DIP2C: variants seen among roughly 807,000 people sequenced by gnomAD.
DIP2C encodes disco-interacting protein 2 homolog C.
DIP2C carries 33 observed loss-of-function variants against 192.4 expected under a neutral mutation model. The ratio of observed to expected loss-of-function variants is 0.17; its 90% CI spans 0.13 to 0.23. DIP2C has a LOEUF of 0.23. Among genes scored for constraint, DIP2C ranks in the 10% least tolerant of loss-of-function variants. The probability of loss-of-function intolerance (pLI) is 1.00; values close to 1 mark genes in which losing one functional copy is unlikely to be tolerated. For synonymous variants in DIP2C, 979 were observed against 864.1 expected (o/e 1.13, Z -2.33); for missense variants, 1,537 against 2,110.1 (o/e 0.73, Z 5.32).
At chr10:526,520 C>T (rs1242250042) in intron 1 of DIP2C, among the ~76,000 whole-genome samples, 1 of 82,928 alleles carries the variant, frequency 1.2e-5, no homozygotes, top group Non-Finnish European at 2.8e-5. Flanking sequence ...ACACACCAGC[C>T]CTACCCCACC....
chr10:620,582 T>C (rs1458522720), intron 1 of DIP2C, among the ~76,000 whole-genome samples: 1 of 152,170 alleles, frequency 6.6e-6, no homozygotes, highest in Admixed American at 6.5e-5. Flanking sequence ...AAGAAACCAC[T>C]AACCACAGCT....
Position 382,769 on chromosome 10 carries a change from GAA to G in DIP2C, c.1877-10_1877-9del, listed in dbSNP as rs1486990271. The G allele has an allele frequency of 6.3e-7, 1 of 1,585,266 alleles. No individual in the cohort carries two copies. Among genetic ancestry groups the G allele is most frequent in the Non-Finnish European group, 8.6e-7 (1 of 1,158,704 alleles). Reference sequence around the variant, plus strand: ...CGCAAGAAGAAATAGACCCTAGAGTGAAAGAGGGACAATGATCAGACAGCTGA... The same window carrying G: ...CGCAAGAAGAAATAGACCCTAGAGTGAGAGGGACAATGATCAGACAGCTGA... On this transcript the variant is annotated splice_polypyrimidine_tract_variant and intron_variant, in intron 16 of 36. Coordinates refer to ENST00000280886, the MANE Select transcript of DIP2C (RefSeq NM_014974.3).
At chr10:352,816 C>T (rs1282081274) in intron 24 of DIP2C, among the ~76,000 whole-genome samples, 1 of 152,190 alleles carries the variant, frequency 6.6e-6, no homozygotes, top group Non-Finnish European at 1.5e-5. Flanking sequence ...CGGGACACAG[C>T]TACACCACAC....
chr10:515,981 A>G (rs1029763203), intron 1 of DIP2C, among the ~76,000 whole-genome samples: 7 of 151,818 alleles, frequency 4.6e-5, no homozygotes, highest in Admixed American at 2.0e-4. Context: ...CACTAAGAAT[A>G]TGTCTGTGCT....
At chr10:539,715 C>A (rs1322377199) in intron 1 of DIP2C, among the ~76,000 whole-genome samples, 1 of 152,240 alleles carries the variant, frequency 6.6e-6, no homozygotes, top group Non-Finnish European at 1.5e-5. Flanking sequence ...TCTAACTAGT[C>A]ATTCCAGTAA....
At chr10:448,772 G>A (rs1224461035) in intron 3 of DIP2C, among the ~76,000 whole-genome samples, 2 of 139,696 alleles carry the variant, frequency 1.4e-5, no homozygotes, top group African/African-American at 5.5e-5. Context: ...ACTCACCCCT[G>A]TCGATACTCA....
intron 1 of DIP2C, among the ~76,000 whole-genome samples, chr10:610,377 G>C (rs1853006674): frequency 6.6e-6 from 1 of 152,144 alleles, no homozygotes; most frequent in Non-Finnish European, 1.5e-5. Context: ...ATCTACTATT[G>C]ATAAACCAGC....
intron 32 of DIP2C, among the ~76,000 whole-genome samples, chr10:303,415 T>G (rs1207637482): frequency 1.3e-5 from 2 of 152,234 alleles, no homozygotes; most frequent in Non-Finnish European, 2.9e-5. Flanking sequence ...ATGTTGTAAA[T>G]TCCTTAAAGC....
chr10:534,216 C>T (rs1847570736), intron 1 of DIP2C, among the ~76,000 whole-genome samples: 1 of 152,214 alleles, frequency 6.6e-6, no homozygotes, highest in Non-Finnish European at 1.5e-5. Context: ...AACTCCCACC[C>T]ATGCTGGAGA....
intron 1 of DIP2C, among the ~76,000 whole-genome samples, chr10:653,304 T>C (rs1856068857): frequency 6.6e-6 from 1 of 151,834 alleles, no homozygotes; most frequent in Non-Finnish European, 1.5e-5. Flanking sequence ...CAAAATTAGC[T>C]GGGCATGGTG....
At chr10:544,985 G>A (rs816645) in intron 1 of DIP2C, among the ~76,000 whole-genome samples, 6 of 151,910 alleles carry the variant, frequency 3.9e-5, no homozygotes, top group Admixed American at 6.6e-5. Context: ...TTAATTCAAC[G>A]TAACAGTTTC....
intron 31 of DIP2C, chr10:311,530 C>T: frequency 2.4e-6 from 3 of 1,232,428 alleles, no homozygotes; most frequent in Non-Finnish European, 3.0e-6. Flanking sequence ...ACAGGAAAGT[C>T]CCCTACCTGC....
chr10:287,829 C>G (rs1955232419), intron 33 of DIP2C, among the ~76,000 whole-genome samples: 1 of 152,186 alleles, frequency 6.6e-6, no homozygotes, highest in Admixed American at 6.5e-5. Flanking sequence ...TTTCTACTTT[C>G]ATAGTAATAG....
intron 4 of DIP2C, among the ~76,000 whole-genome samples, 181 bp from the exon 5 acceptor site, chr10:423,214 G>A (rs1455326007): frequency 6.6e-6 from 1 of 152,188 alleles, no homozygotes; most frequent in Non-Finnish European, 1.5e-5. Flanking sequence ...TTAGCATAAT[G>A]AGTTTTTCAT....
At chr10:306,659 T>G (rs921206245) in intron 32 of DIP2C, among the ~76,000 whole-genome samples, 4 of 152,192 alleles carry the variant, frequency 2.6e-5, no homozygotes, top group African/African-American at 7.2e-5. Context: ...TGGCTCTCAT[T>G]TCACTGCCTC....
chr10:611,473 CTG>C (rs1040223314), intron 1 of DIP2C, among the ~76,000 whole-genome samples: 50 of 152,352 alleles, frequency 3.3e-4, no homozygotes, highest in African/African-American at 1.1e-3. Context: ...AGAGCACAGA[CTG>C]TTTTTGGGAA....
chr10:671,481 CGCCACAGACGCACGGACGGAGGAAACAG>C (rs1830637348), intron 1 of DIP2C, among the ~76,000 whole-genome samples: 1 of 105,522 alleles, frequency 9.5e-6, no homozygotes, highest in African/African-American at 3.9e-5. Context: ...ACGGAGGAAA[CGCCACAGACGCACGGACGGAGGAAACAG>C]GCCACAGACG....
chr10:289,218 G>A lies in DIP2C; in HGVS notation c.3987-797C>T, dbSNP rs1004533148. Among the ~76,000 whole-genome samples the A allele has an allele frequency of 4.4e-5, 6 of 135,820 alleles. No homozygotes were observed. In the East Asian group the frequency reaches 7.7e-4, roughly 18 times the overall value. 89.1% of individuals were successfully genotyped at this position (135,820 alleles called of 152,430 possible). ...TGCCTCCCACCTGGGGACAGGGTGC[G>A]GGCAGGGGGCCTGTGGGCTCCTGAG... On this transcript the variant is annotated intron_variant, in intron 32 of 36. Coordinates refer to ENST00000280886, the MANE Select transcript of DIP2C (RefSeq NM_014974.3).
intron 2 of DIP2C, 85 bp downstream of exon 2, chr10:486,374 G>A: frequency 1.5e-6 from 2 of 1,309,148 alleles, no homozygotes; most frequent in Admixed American, 5.1e-5. Context: ...TGGGAAGCAA[G>A]GGAGCGTCTG....
Sources: gnomAD v4.1 joint callset for allele counts (sites outside exome capture counted in the v4.1 genomes callset) on GRCh38, gnomAD v4.1.1 for gene constraint, MANE v1.5 for transcripts, NCBI Gene and HGNC (gene_info 2026-07-23, HGNC 2026-07-21) for gene names.